ALK: variants seen among roughly 807,000 people sequenced by gnomAD.
The protein encoded by ALK is ALK tyrosine kinase receptor.
Under a neutral mutation model 163.1 loss-of-function variants are expected in ALK, and 74 were observed. The ratio of observed to expected loss-of-function variants is 0.45; its 90% confidence interval spans 0.38 to 0.55. ALK has a LOEUF of 0.55. Ranked by LOEUF, ALK falls within the 20% of genes least tolerant of loss-of-function variation. The probability of loss-of-function intolerance (pLI) is 0.00; values close to 1 mark genes in which losing one functional copy is unlikely to be tolerated. For synonymous variants in ALK, 960 were observed against 843.2 expected (o/e 1.14, Z -2.40); for missense variants, 2,063 against 2,105.3 (o/e 0.98, Z 0.39).
At chr2:29,268,795 A>G (rs1665305269) in intron 11 of ALK, among the ~76,000 whole-genome samples, 1 of 152,106 alleles carries the variant, frequency 6.6e-6, no homozygotes, top group South Asian at 2.1e-4. Flanking sequence ...CTTGACTTTG[A>G]ACCCTGGCCC....
intron 3 of ALK, among the ~76,000 whole-genome samples, chr2:29,638,168 G>A (rs533833072): frequency 9.9e-4 from 150 of 152,274 alleles, no homozygotes; most frequent in African/African-American, 3.4e-3. Flanking sequence ...GGCGGAAAGC[G>A]GAGGCAGGAA....
At chr2:29,902,230 T>A (rs1340783092) in intron 1 of ALK, among the ~76,000 whole-genome samples, 1 of 152,108 alleles carries the variant, frequency 6.6e-6, no homozygotes, top group African/African-American at 2.4e-5. Flanking sequence ...TCCCCAATGT[T>A]TTTTCTTCCC....
intron 1 of ALK, among the ~76,000 whole-genome samples, chr2:29,826,046 A>G (rs1219793916): frequency 6.6e-6 from 1 of 152,060 alleles, no homozygotes; most frequent in African/African-American, 2.4e-5. Context: ...TTTTCCCTAC[A>G]CAACTGCTCT....
intron 4 of ALK, among the ~76,000 whole-genome samples, chr2:29,484,958 T>A (rs1015062578): frequency 2.0e-5 from 3 of 152,216 alleles, no homozygotes; most frequent in African/African-American, 7.2e-5. Flanking sequence ...TAGCTTTTAG[T>A]GTTTTTTTTC....
At chr2:29,773,962 T>A (rs1304757126) in intron 1 of ALK, among the ~76,000 whole-genome samples, 1 of 152,160 alleles carries the variant, frequency 6.6e-6, no homozygotes, top group African/African-American at 2.4e-5. Context: ...TAATATTCAA[T>A]GGAGAGCTAG....
At chr2:29,785,120 T>A (rs1329073840) in intron 1 of ALK, among the ~76,000 whole-genome samples, 1 of 152,062 alleles carries the variant, frequency 6.6e-6, no homozygotes, top group Non-Finnish European at 1.5e-5. Context: ...GGGCCTACAC[T>A]CTGGCCACAG....
At chr2:29,215,418 C>A (rs1443931544) in intron 23 of ALK, among the ~76,000 whole-genome samples, 5 of 152,168 alleles carry the variant, frequency 3.3e-5, no homozygotes, top group Admixed American at 2.6e-4. Flanking sequence ...GGGGAGACAA[C>A]TGAGAGTGGA....
chr2:29,486,258 C>T (rs1196729986), intron 4 of ALK, among the ~76,000 whole-genome samples: 1 of 152,038 alleles, frequency 6.6e-6, no homozygotes, highest in Non-Finnish European at 1.5e-5. Context: ...ATCTTGTTTT[C>T]TTGGTGGATG....
At chr2:29,778,560 C>T (rs1381822280) in intron 1 of ALK, among the ~76,000 whole-genome samples, 1 of 152,112 alleles carries the variant, frequency 6.6e-6, no homozygotes, top group Non-Finnish European at 1.5e-5. Flanking sequence ...CACGTGCATG[C>T]ATGTGTGCAA....
intron 1 of ALK, among the ~76,000 whole-genome samples, chr2:29,760,877 A>C (rs1680681464): frequency 6.6e-6 from 1 of 152,178 alleles, no homozygotes; most frequent in Non-Finnish European, 1.5e-5. Context: ...AGAACTCTGA[A>C]AGAGCTTTTG....
intron 1 of ALK, among the ~76,000 whole-genome samples, chr2:29,908,985 C>T (rs1243933881): frequency 6.6e-6 from 1 of 152,206 alleles, no homozygotes; most frequent in Non-Finnish European, 1.5e-5. Context: ...AGCATTTCCT[C>T]AGGCAAAAAT....
Position 29,227,078 on chromosome 2 carries a change from G to A in ALK, c.2915-4C>T, listed in dbSNP as rs2148178748. 5 of 1,614,106 alleles carry A rather than the reference G, an allele frequency of 3.1e-6. No homozygotes were observed. Among genetic ancestry groups the A allele is most frequent in the Non-Finnish European group, 4.2e-6 (5 of 1,180,022 alleles). ...ACTTCCCCGTGGCCTTCCATCACTAGTGACAAGGAGGGAGGGTCAGTCTTG... is the reference window on the plus strand; with the variant it reads ...ACTTCCCCGTGGCCTTCCATCACTAATGACAAGGAGGGAGGGTCAGTCTTG... On this transcript the variant is annotated splice_region_variant and splice_polypyrimidine_tract_variant and intron_variant, in intron 17 of 28. Transcript: ENST00000389048. This position sits in a 1 kb window ranked among gnomAD's most constrained non-coding sequence, Gnocchi z 4.4.
At chr2:29,543,887 T>C (rs1673480686) in intron 3 of ALK, among the ~76,000 whole-genome samples, 1 of 152,220 alleles carries the variant, frequency 6.6e-6, no homozygotes, top group Non-Finnish European at 1.5e-5. Context: ...CAGTGGGATC[T>C]TAAAAGAGGA....
chr2:29,328,681 C>T (rs532395371), intron 5 of ALK, among the ~76,000 whole-genome samples, 200 bp from the exon 6 acceptor site: 77 of 152,330 alleles, frequency 5.1e-4, no homozygotes, highest in Middle Eastern at 3.4e-3. Flanking sequence ...GGGTCAAAAC[C>T]CCTCACGCTC....
intron 1 of ALK, among the ~76,000 whole-genome samples, chr2:29,779,394 T>A (rs1012547736): frequency 1.3e-5 from 2 of 152,100 alleles, no homozygotes; most frequent in African/African-American, 2.4e-5. Context: ...GCTTCCTTGG[T>A]TATAATGAAC....
At chr2:29,268,427 G>A in intron 11 of ALK, among the ~76,000 whole-genome samples, 1 of 152,172 alleles carries the variant, frequency 6.6e-6, no homozygotes, top group East Asian at 1.9e-4. Context: ...GGATAGTAGT[G>A]GCTTCATACT....
chr2:29,444,160 G>C (rs936179180), intron 4 of ALK, among the ~76,000 whole-genome samples: 1 of 152,192 alleles, frequency 6.6e-6, no homozygotes, highest in Admixed American at 6.5e-5. Context: ...GAGGCTTTTG[G>C]GGGTAGGACA....
At chr2:29,564,663 G>A (rs559360539) in intron 3 of ALK, among the ~76,000 whole-genome samples, 5 of 152,276 alleles carry the variant, frequency 3.3e-5, no homozygotes, top group African/African-American at 1.2e-4. Context: ...GCAGAGTCTT[G>A]GAATAGCATA....
At chr2:29,458,557 G>A (rs1671013553) in intron 4 of ALK, among the ~76,000 whole-genome samples, 1 of 152,062 alleles carries the variant, frequency 6.6e-6, no homozygotes, top group Non-Finnish European at 1.5e-5. Context: ...ACACAATCTT[G>A]AGGCTTAACA....
Sources: allele counts gnomAD v4.1 joint callset (sites outside exome capture counted in the v4.1 genomes callset), GRCh38; gene constraint gnomAD v4.1.1; non-coding constraint Gnocchi (gnomAD v3.1); transcripts MANE v1.5; gene names NCBI Gene and HGNC (gene_info 2026-07-23, HGNC 2026-07-21).